The following ADCY1 variants were observed in gnomAD, a reference collection of about 807,000 sequenced individuals.
The protein encoded by ADCY1 is adenylate cyclase 1, also known as adenylate cyclase type 1.
ADCY1 carries 28 observed loss-of-function variants against 105.4 expected under a neutral mutation model. The ratio of observed to expected loss-of-function variants is 0.27; its 90% confidence interval spans 0.20 to 0.36. The LOEUF (loss-of-function observed/expected upper bound fraction) is 0.36, where lower values mean the gene tolerates loss of function less well. ADCY1 is among the 10% of genes least tolerant of loss of function. ADCY1 has a pLI of 1.00. For synonymous variants in ADCY1, 655 were observed against 623.8 expected, an observed-to-expected ratio of 1.05 and a Z score of -0.75; for missense variants, 977 against 1,434.2, an observed-to-expected ratio of 0.68 and a Z score of 5.15.
chr7:45,607,628 G>T (rs1220563436), intron 2 of ADCY1, among the ~76,000 whole-genome samples: 2 of 152,110 alleles, frequency 1.3e-5, no homozygotes, highest in Non-Finnish European at 2.9e-5. Context: ...GGAGTCCCCA[G>T]TGTCTGTTCT....
intron 2 of ADCY1, among the ~76,000 whole-genome samples, chr7:45,607,935 AT>A (rs1793426556): frequency 6.6e-6 from 1 of 152,030 alleles, no homozygotes; most frequent in Non-Finnish European, 1.5e-5. Flanking sequence ...AGAATGATTT[AT>A]TTTCTTTTGG....
rs1307507728 is a variant in ADCY1 at position 45,627,378 on chromosome 7, T to G, written c.1020+4635T>G. Among the ~76,000 whole-genome samples, 3 of 152,232 alleles carry G rather than the reference T, an allele frequency of 2.0e-5. No individual in the cohort carries two copies. The East Asian group carries it at 5.8e-4, about 29-fold the overall frequency. On this transcript the variant is annotated intron_variant, in intron 4 of 19. Coordinates refer to ENST00000297323, the MANE Select transcript of ADCY1 (RefSeq NM_021116.4). Reference sequence around the variant, plus strand: ...AGCCTTCTGTGGAACGGGTGCATCCTGTCCAGCTAACCCTACTCATTCATC... The same window carrying G: ...AGCCTTCTGTGGAACGGGTGCATCCGGTCCAGCTAACCCTACTCATTCATC...
Position 45,592,755 on chromosome 7 carries a change from G to T in ADCY1, c.640-4G>T. 6.2e-7 allele frequency: 1 copy of T among 1,614,148 alleles called. No individual in the cohort carries two copies. The highest frequency in any genetic ancestry group is 8.5e-7 in the Non-Finnish European group (1 of 1,179,998). On this transcript the variant is annotated splice_polypyrimidine_tract_variant and splice_region_variant and intron_variant, in intron 1 of 19. Transcript: ENST00000297323. ...CCACATGTTGCCTCCTTCTCTCCCT[G>T]CAGCTCGGTGCCAATGCCTTGCTCT...
chr7:45,687,118 G>A (rs913667392), intron 14 of ADCY1, among the ~76,000 whole-genome samples: 2 of 152,140 alleles, frequency 1.3e-5, no homozygotes, highest in African/African-American at 2.4e-5. Flanking sequence ...GTCAGCAGGT[G>A]GGGGCTGGAC....
intron 5 of ADCY1, among the ~76,000 whole-genome samples, chr7:45,652,811 G>C (rs1794846126): frequency 6.6e-6 from 1 of 152,114 alleles, no homozygotes; most frequent in Non-Finnish European, 1.5e-5. Context: ...TTGAAAGTGG[G>C]ATCCCAGGGC....
At chr7:45,700,443 A>ATTGTCT (rs1784976132) in intron 14 of ADCY1, among the ~76,000 whole-genome samples, 1 of 152,064 alleles carries the variant, frequency 6.6e-6, no homozygotes, top group Non-Finnish European at 1.5e-5. Context: ...GCTGAAGACT[A>ATTGTCT]TTGTCTTAGC....
intron 6 of ADCY1, among the ~76,000 whole-genome samples, chr7:45,658,664 C>T (rs1795006901): frequency 6.6e-6 from 1 of 152,256 alleles, no homozygotes; most frequent in Non-Finnish European, 1.5e-5. Flanking sequence ...TATGCAGCCG[C>T]TGTCTTCATT....
chr7:45,646,050 C>T (rs2116048049), intron 4 of ADCY1, among the ~76,000 whole-genome samples: 1 of 152,156 alleles, frequency 6.6e-6, no homozygotes, highest in Non-Finnish European at 1.5e-5. Context: ...TGGCCGCTTC[C>T]CCTTCCTGGC....
chr7:45,678,146 T>A lies in ADCY1; in HGVS notation c.1801-20T>A. 6.2e-7 allele frequency: 1 copy of A among 1,614,066 alleles called. No homozygotes were observed. The highest frequency in any genetic ancestry group is 8.5e-7 in the Non-Finnish European group (1 of 1,179,940). On this transcript the variant is annotated intron_variant, in intron 9 of 19. Transcript: ENST00000297323. Reference sequence around the variant, plus strand: ...GGAGGAAGCCCTCAGCCCTGATGGATTGACTTCTCTCTTACACAGTACCAC... The same window carrying A: ...GGAGGAAGCCCTCAGCCCTGATGGAATGACTTCTCTCTTACACAGTACCAC...
chr7:45,621,042 G>A (rs766490416), intron 3 of ADCY1, among the ~76,000 whole-genome samples: 1 of 152,090 alleles, frequency 6.6e-6, no homozygotes, highest in South Asian at 2.1e-4. Context: ...ATAGAATGGA[G>A]TCTTTCTGAG....
chr7:45,629,472 G>A (rs1035185987), intron 4 of ADCY1, among the ~76,000 whole-genome samples: 4 of 150,720 alleles, frequency 2.7e-5, no homozygotes, highest in African/African-American at 9.8e-5. Context: ...ATACCTAGAA[G>A]TAGAATGGCT....
intron 8 of ADCY1, among the ~76,000 whole-genome samples, chr7:45,669,225 G>A (rs1014958350): frequency 2.7e-4 from 41 of 152,108 alleles, no homozygotes; most frequent in Non-Finnish European, 5.4e-4. Context: ...TGATGTTAGG[G>A]TGTCAATTTT....
rs143052821 is a variant in ADCY1 at position 45,629,152 on chromosome 7, A to T, written c.1020+6409A>T. ...CCAGGCAACTACTAATTTGCTTTCT[A>T]TCACTACAAATAAGTTGGAATTTTC... On this transcript the variant is annotated intron_variant, in intron 4 of 19. Coordinates refer to ENST00000297323, the MANE Select transcript of ADCY1 (RefSeq NM_021116.4). Among the ~76,000 whole-genome samples the T allele has an allele frequency of 1.7e-3, 256 of 152,322 alleles. 1 individual carries two copies. Among genetic ancestry groups the T allele is most frequent in the African/African-American group, 5.4e-3 (226 of 41,584 alleles).
At chr7:45,601,533 G>T (rs1337247521) in intron 2 of ADCY1, among the ~76,000 whole-genome samples, 3 of 150,988 alleles carry the variant, frequency 2.0e-5, no homozygotes, top group South Asian at 2.1e-4. Context: ...ATTATTGTTT[G>T]TTTTTTTTTC....
intron 1 of ADCY1, among the ~76,000 whole-genome samples, chr7:45,578,084 T>C (rs1792403161): frequency 6.6e-6 from 1 of 152,194 alleles, no homozygotes; most frequent in Non-Finnish European, 1.5e-5. Flanking sequence ...CCTGGGTGCT[T>C]TGGGGCATCT....
chr7:45,617,890 A>C (rs1051010841), intron 3 of ADCY1, among the ~76,000 whole-genome samples: 1 of 152,228 alleles, frequency 6.6e-6, no homozygotes, highest in Non-Finnish European at 1.5e-5. Flanking sequence ...TCCAAAATTC[A>C]TGTGTTACTA....
At chr7:45,681,669 G>T (rs926380397) in intron 11 of ADCY1, among the ~76,000 whole-genome samples, 1 of 152,134 alleles carries the variant, frequency 6.6e-6, no homozygotes, top group East Asian at 1.9e-4. Flanking sequence ...GCTCCTGTTC[G>T]CAGGCTCTGC....
Position 45,715,091 on chromosome 7 carries a change from CAGGTGATAGTGTTG to C in ADCY1, c.*1098_*1111del, listed in dbSNP as rs1785336964. 6.6e-6 allele frequency: 1 copy of C among 152,240 alleles called. No homozygotes were observed. Among genetic ancestry groups the C allele is most frequent in the Admixed American group, 6.5e-5 (1 of 15,284 alleles). 9.4% of individuals were successfully genotyped at this position (152,240 alleles called of 1,614,324 possible). On this transcript the variant is annotated 3_prime_UTR_variant, in exon 20 of 20. Transcript: ENST00000297323. ...TTGTAATTTGCAGGGAAATTGACTG[CAGGTGATAGTGTTG>C]ACGTCTGACGTCTGACAACCTCCTA...
Position 45,686,244 on chromosome 7 carries a change from C to G in ADCY1, c.2327+29C>G. ...AGTGTGTGGCTCCTCAAGAAAAAGG[C>G]CTAAGCAGCGGTGCTACTGAATCTG... On this transcript the variant is annotated intron_variant, in intron 13 of 19. Transcript: ENST00000297323. This position sits in a 1 kb window ranked among gnomAD's most constrained non-coding sequence, Gnocchi z 4.3. 6.2e-7 allele frequency: 1 copy of G among 1,603,700 alleles called. No individual in the cohort carries two copies. The highest frequency in any genetic ancestry group is 8.5e-7 in the Non-Finnish European group (1 of 1,174,298).
Sources: gnomAD v4.1 joint callset for allele counts (sites outside exome capture counted in the v4.1 genomes callset) on GRCh38, gnomAD v4.1.1 for gene constraint, Gnocchi (gnomAD v3.1) non-coding constraint, MANE v1.5 for transcripts, NCBI Gene and HGNC (gene_info 2026-07-23, HGNC 2026-07-21) for gene names.